The following SRGAP1 variants were observed in gnomAD, a reference collection of about 807,000 sequenced individuals.
The protein encoded by SRGAP1 is SLIT-ROBO Rho GTPase-activating protein 1.
In SRGAP1, 43 loss-of-function variants were observed where a neutral mutation model predicts 121.9. The observed-to-expected ratio is 0.35, with a 90% confidence interval of 0.28 to 0.46. The LOEUF (loss-of-function observed/expected upper bound fraction) is 0.46. SRGAP1 is among the 20% of genes least tolerant of loss of function. The probability of loss-of-function intolerance (pLI) is 1.00; values close to 1 mark genes in which losing one functional copy is unlikely to be tolerated. For synonymous variants in SRGAP1, 447 were observed against 485.4 expected (o/e 0.92, Z 1.04); for missense variants, 1,102 against 1,350.9 (o/e 0.82, Z 2.89).
At chr12:64,119,770 C>CTTTTTT (rs997729181) in intron 18 of SRGAP1, among the ~76,000 whole-genome samples, 14 of 107,424 alleles carry the variant, frequency 1.3e-4, no homozygotes, top group East Asian at 2.6e-4. Flanking sequence ...TTATTTGTTT[C>CTTTTTT]TTTTTTTTTT....
At chr12:64,025,675 C>CT (rs1302779408) in intron 4 of SRGAP1, among the ~76,000 whole-genome samples, 2 of 152,114 alleles carry the variant, frequency 1.3e-5, no homozygotes, top group African/African-American at 2.4e-5. Flanking sequence ...TAAAAACACT[C>CT]TATTTAGGGA....
chr12:63,851,362 A>G (rs2136253897), intron 1 of SRGAP1, among the ~76,000 whole-genome samples: 1 of 152,010 alleles, frequency 6.6e-6, no homozygotes, highest in Middle Eastern at 3.4e-3. Context: ...GGAGGCAGAG[A>G]TGGAAGGATC....
intron 1 of SRGAP1, among the ~76,000 whole-genome samples, chr12:63,937,670 C>T (rs559176019): frequency 2.6e-5 from 4 of 152,232 alleles, no homozygotes; most frequent in East Asian, 1.9e-4. Context: ...GGACCTTTAG[C>T]GTGAGAACAA....
chr12:63,875,726 A>G (rs1336423450), intron 1 of SRGAP1, among the ~76,000 whole-genome samples: 3 of 152,228 alleles, frequency 2.0e-5, no homozygotes, highest in Non-Finnish European at 4.4e-5. Flanking sequence ...ATTTGTTTAT[A>G]TGAAAATCCG....
At chr12:63,949,027 C>CCATATATATATATT (rs2032171390) in intron 1 of SRGAP1, among the ~76,000 whole-genome samples, 1 of 136,762 alleles carries the variant, frequency 7.3e-6, no homozygotes, top group African/African-American at 2.7e-5. Flanking sequence ...TATGTATTTT[C>CCATATATATATATT]CATATATGTA....
chr12:64,048,160 C>G (rs1422913081), intron 6 of SRGAP1, among the ~76,000 whole-genome samples: 2 of 152,154 alleles, frequency 1.3e-5, no homozygotes, highest in Non-Finnish European at 2.9e-5. Context: ...CCCCACTTCC[C>G]AATCACCCCC....
intron 1 of SRGAP1, among the ~76,000 whole-genome samples, chr12:63,954,958 T>G (rs564217433): frequency 6.6e-6 from 1 of 152,316 alleles, no homozygotes; most frequent in South Asian, 2.1e-4. Flanking sequence ...TCCTTTTTTT[T>G]AAATTAAGCT....
In SRGAP1 at chr12:64,065,156, G is replaced by T; in HGVS notation, c.1062G>T (p.Glu354Asp). The T allele has an allele frequency of 6.2e-7, 1 of 1,613,680 alleles. No homozygotes were observed. The part of the protein sequence containing the change: ...QVSAQQPVQA[E>D]LMLRYQQLQS... Reference sequence around the variant, plus strand: ...GTGCCCAGCAGCCAGTCCAGGCAGAGCTCATGCTCAGGTACCAACAGTTGC... The same window carrying T: ...GTGCCCAGCAGCCAGTCCAGGCAGATCTCATGCTCAGGTACCAACAGTTGC... Residue 354 changes from glutamate (E) to aspartate (D), a missense_variant, in exon 8 of 22, where the codon GAG becomes GAT. Physicochemically the swap from Glu to Asp is conservative, Grantham distance 45 (BLOSUM62 2). This residue lies in a region of SRGAP1 where 747 missense variants were observed against 929.4 expected (regional missense o/e 0.80). Coordinates refer to ENST00000355086, the MANE Select transcript of SRGAP1 (RefSeq NM_020762.4).
At chr12:63,908,224 C>G (rs929280078) in intron 1 of SRGAP1, among the ~76,000 whole-genome samples, 20 of 151,688 alleles carry the variant, frequency 1.3e-4, no homozygotes, top group African/African-American at 4.6e-4. Context: ...TGGAATTAAC[C>G]TGTCAGTATT....
At chr12:64,038,847 G>T (rs1020544675) in intron 4 of SRGAP1, 1 of 152,160 alleles carries the variant, frequency 6.6e-6, no homozygotes, top group African/African-American at 2.4e-5. Flanking sequence ...AATATGCTAT[G>T]GGAGTACATT....
At chr12:64,108,680 T>G in intron 15 of SRGAP1, 1 of 323,580 alleles carries the variant, frequency 3.1e-6, no homozygotes, top group Non-Finnish European at 5.6e-6. Flanking sequence ...TTTTTAAATC[T>G]AGAAGACTCT....
intron 1 of SRGAP1, among the ~76,000 whole-genome samples, chr12:63,857,856 C>T (rs1224100115): frequency 6.6e-6 from 1 of 152,096 alleles, no homozygotes; most frequent in Non-Finnish European, 1.5e-5. Flanking sequence ...ATTTCCAGTA[C>T]AAAATTAGTG....
chr12:63,919,171 G>C (rs1239112315), intron 1 of SRGAP1, among the ~76,000 whole-genome samples: 1 of 152,044 alleles, frequency 6.6e-6, no homozygotes, highest in African/African-American at 2.4e-5. Flanking sequence ...TCCCACCTCA[G>C]TCTCCTGGGA....
chr12:63,884,605 C>T (rs1209580923), intron 1 of SRGAP1, among the ~76,000 whole-genome samples: 1 of 152,096 alleles, frequency 6.6e-6, no homozygotes, highest in Non-Finnish European at 1.5e-5. Context: ...TAACTGTAAT[C>T]ACCCTGCTGT....
chr12:64,091,213 T>A (rs940414879), intron 11 of SRGAP1, 63 bp from the exon 12 acceptor site: 30 of 1,219,310 alleles, frequency 2.5e-5, no homozygotes, highest in Non-Finnish European at 3.4e-5. Context: ...TGATGTGACC[T>A]ATAGATGTTT....
Position 63,868,067 on chromosome 12 carries a change from T to G in SRGAP1, c.67+23184T>G, listed in dbSNP as rs1245721383. 6.4e-4 allele frequency among the ~76,000 whole-genome samples: 65 copies of G among 101,032 alleles called. 1 individual carries two copies. The highest frequency in any genetic ancestry group is 8.6e-4 in the Non-Finnish European group (46 of 53,452). The allele number at this position is 101,032 out of a possible 152,430, so 66.3% of individuals were successfully genotyped here. A position where few individuals can be genotyped will look rare whatever the true frequency, so the allele number is the denominator to read the frequency against. ...ATATATATATATATATTTTTTTTTT[T>G]TTTTTTTTTTTGTTTTTTTTTTTTT... On this transcript the variant is annotated intron_variant, in intron 1 of 21. Coordinates refer to ENST00000355086, the MANE Select transcript of SRGAP1 (RefSeq NM_020762.4).
chr12:64,091,162 G>T, intron 11 of SRGAP1, 114 bp from the exon 12 acceptor site: 1 of 541,614 alleles, frequency 1.8e-6, no homozygotes, highest in Non-Finnish European at 3.0e-6. Flanking sequence ...CCTGTGATTG[G>T]GGGAGGGGAA....
At chr12:63,913,480 T>TATATATATATGG (rs1555238830) in intron 1 of SRGAP1, among the ~76,000 whole-genome samples, 3,550 of 108,082 alleles carry the variant, frequency 0.033, 66 homozygotes, top group East Asian at 0.064. Flanking sequence ...TATATATGGA[T>TATATATATATGG]ATATATATAT....
intron 1 of SRGAP1, among the ~76,000 whole-genome samples, chr12:63,857,388 CT>C (rs1195343157): frequency 3.7e-4 from 48 of 129,258 alleles, no homozygotes; most frequent in Admixed American, 3.2e-4. Flanking sequence ...CTGCAATTTA[CT>C]TTTTTTTTTT....
Sources: allele counts gnomAD v4.1 joint callset (sites outside exome capture counted in the v4.1 genomes callset), GRCh38; gene constraint gnomAD v4.1.1; regional missense constraint gnomAD v4.1.1; transcripts MANE v1.5; gene names NCBI Gene and HGNC (gene_info 2026-07-23, HGNC 2026-07-21).